FAM83H: variants seen among roughly 807,000 people sequenced by gnomAD.
FAM83H encodes the protein protein FAM83H.
FAM83H carries 24 observed loss-of-function variants against 30.2 expected under a neutral mutation model. That is an observed-to-expected ratio of 0.79 (90% CI 0.57 to 1.12). The LOEUF is 1.12. Among genes scored for constraint, FAM83H ranks in the 50% most tolerant of loss-of-function variants. The pLI is 0.00. For missense variants in FAM83H, 2,038 were observed against 1,773.9 expected (o/e 1.15, Z -2.67); for synonymous variants, 1,013 against 821.7 (o/e 1.23, Z -3.98).
Position 143,729,174 on chromosome 8 carries a change from G to A in FAM83H, c.597C>T (p.Asn199=), listed in dbSNP as rs1818420890. ...GGGAACTCACATCCACGTGCTGCAG[G>A]TTGACACGGCACTTGTCGGCCATGT... ...FLDMADKCRV[N]LQHVDFLRVR... is the part of the protein sequence containing the mutation. The change falls in exon 3 of 5, where the codon AAC becomes AAT. Residue 199 remains asparagine, a synonymous_variant. Coordinates refer to ENST00000388913, the MANE Select transcript of FAM83H (RefSeq NM_198488.5). 3 of 1,613,614 alleles carry A rather than the reference G, an allele frequency of 1.9e-6. No homozygotes were observed. The highest frequency in any genetic ancestry group is 2.5e-6 in the Non-Finnish European group (3 of 1,180,032).
In FAM83H at chr8:143,727,583, G is replaced by T. The variant is rs782362735; in HGVS notation, c.1878C>A (p.Leu626=). ...PGGRAPAGDL[L]PSAFRVPAAF... ...CTGCTGGGACGCGGAAGGCCGAGGGGAGCAGGTCGCCGGCAGGTGCCCGGC... is the reference window on the plus strand; with the variant it reads ...CTGCTGGGACGCGGAAGGCCGAGGGTAGCAGGTCGCCGGCAGGTGCCCGGC... The change falls in exon 5 of 5, where the codon CTC becomes CTA. Residue 626 remains leucine, a synonymous_variant. Coordinates refer to ENST00000388913, the MANE Select transcript of FAM83H (RefSeq NM_198488.5). 5 of 1,586,140 alleles carry T rather than the reference G, an allele frequency of 3.2e-6. No individual in the cohort carries two copies. The highest frequency in any genetic ancestry group is 2.3e-5 in the East Asian group (1 of 44,078).
Position 143,726,423 on chromosome 8 carries a change from G to A in FAM83H, c.3038C>T (p.Ala1013Val). ...SLGQGDSTEA[A>V]TEERGPRARL... is the part of the protein sequence containing the mutation. ...CGCCCGCGGACCCCGCTCTTCTGTG[G>A]CAGCCTCCGTGCTGTCACCCTGGCC... Residue 1013 changes from alanine (A) to valine (V), a missense_variant, in exon 5 of 5, where the codon GCC (alanine) becomes GTC (valine). Ala to Val is a moderately conservative substitution (Grantham distance 64, BLOSUM62 0). Coordinates refer to ENST00000388913, the MANE Select transcript of FAM83H (RefSeq NM_198488.5). 6.2e-7 allele frequency: 1 copy of A among 1,603,452 alleles called. No individual in the cohort carries two copies.
rs1554621585 is a variant in FAM83H at position 143,726,141 on chromosome 8, C to T, written c.3320G>A (p.Arg1107His). The T allele has an allele frequency of 4.3e-6, 7 of 1,611,290 alleles. No individual in the cohort carries two copies. In the Middle Eastern group the frequency reaches 5.0e-4, roughly 114 times the overall value. ...CTCCTCCGCGCTGGCTGGCAGCGTG[C>T]GGCTCAGCCGGCCCTGGGTCCCCAA... ...DSLGTQGRLS[R>H]TLPASAEERD... Residue 1107 changes from arginine (R) to histidine (H), a missense_variant, in exon 5 of 5, where the codon CGC becomes CAC. Coordinates refer to ENST00000388913, the MANE Select transcript of FAM83H (RefSeq NM_198488.5).
rs1196355633 is a variant in FAM83H at position 143,727,403 on chromosome 8, G to A, written c.2058C>T (p.Leu686=). 3.2e-6 allele frequency: 5 copies of A among 1,571,866 alleles called. No homozygotes were observed. The highest frequency in any genetic ancestry group is 2.7e-5 in the African/African-American group (2 of 74,584). ...VQRSSRLRSS[L]IFSTSQAEGA... ...CCTCGGCCTGTGACGTGCTGAAGAT[G>A]AGCGAGGAGCGCAGCCTGGAGCTGC... Residue 686 remains leucine (L), a synonymous_variant, in exon 5 of 5, where the codon CTC becomes CTT. Coordinates refer to ENST00000388913, the MANE Select transcript of FAM83H (RefSeq NM_198488.5).
chr8:143,730,653 C>G, intron 1 of FAM83H, 56 bp from the exon 2 acceptor site: 1 of 1,233,952 alleles, frequency 8.1e-7, no homozygotes, highest in Non-Finnish European at 1.1e-6. Context: ...CCACTCCTAC[C>G]CTCGAGCATG....
Position 143,727,968 on chromosome 8 carries a change from G to T in FAM83H, c.1493C>A (p.Pro498Gln). ...DFTLGAGPRF[P>Q]ELGPDGHQRL... ...CTGGTGCCCGTCGGGTCCGAGCTCCGGGAAGCGGGGCCCGGCGCCCAGGGT... is the reference window on the plus strand; with the variant it reads ...CTGGTGCCCGTCGGGTCCGAGCTCCTGGAAGCGGGGCCCGGCGCCCAGGGT... The change falls in exon 5 of 5, where the codon CCG becomes CAG. Residue 498 changes from proline (P) to glutamine (Q), a missense_variant. By Grantham distance (76) the Pro-to-Gln change is moderately conservative (BLOSUM62 -1). Coordinates refer to ENST00000388913, the MANE Select transcript of FAM83H (RefSeq NM_198488.5). The T allele has an allele frequency of 6.4e-7, 1 of 1,568,598 alleles. No individual in the cohort carries two copies. The highest frequency in any genetic ancestry group is 2.3e-5 in the East Asian group (1 of 43,662).
At position 143,728,569 on chromosome 8, in the gene FAM83H, C is replaced by T. The variant is rs1554623509; in HGVS notation, c.892G>A (p.Ala298Thr). The change falls in exon 5 of 5, where the codon GCC becomes ACC. Residue 298 changes from alanine (A) to threonine (T), a missense_variant. Coordinates refer to ENST00000388913, the MANE Select transcript of FAM83H (RefSeq NM_198488.5). ...CCGGCCCCGGCATACGGAGCCAGGG[C>T]ATAGGCGTCCATGCGGGCCAGGGCC... ...AAALARMDAY[A>T]LAPYAGAGPL... The T allele has an allele frequency of 4.4e-6, 7 of 1,593,556 alleles. No individual in the cohort carries two copies. The highest frequency in any genetic ancestry group is 1.1e-5 in the South Asian group (1 of 88,812).
Position 143,730,495 on chromosome 8 carries a change from G to A in FAM83H, c.88C>T (p.Leu30=), listed in dbSNP as rs201858198. The change falls in exon 2 of 5, where the codon CTG becomes TTG. Residue 30 remains leucine, a synonymous_variant. Transcript: ENST00000388913. ...CCCTCGGCCAGTGCATCCACCGCCAGGCGGTAGTACTCTTTGTAGTGAGGC... is the reference window on the plus strand; with the variant it reads ...CCCTCGGCCAGTGCATCCACCGCCAAGCGGTAGTACTCTTTGTAGTGAGGC... The part of the protein sequence containing the change: ...LPPHYKEYYR[L]AVDALAEGGS... The A allele has an allele frequency of 2.1e-4, 342 of 1,606,456 alleles. No individual in the cohort carries two copies. Among genetic ancestry groups the A allele is most frequent in the Middle Eastern group, 6.6e-4 (4 of 6,016 alleles).
In FAM83H at chr8:143,724,230, C is replaced by T. The variant is rs1490587129; in HGVS notation, c.*1691G>A. ...CGACTTGCACGGTGGTTTTGGTAAC[C>T]AGTGGGCTGTGCAGGAGTGAAAGTG... On this transcript the variant is annotated 3_prime_UTR_variant, in exon 5 of 5. Transcript: ENST00000388913. 1 of 152,224 alleles carries T rather than the reference C, an allele frequency of 6.6e-6. No individual in the cohort carries two copies. The highest frequency in any genetic ancestry group is 1.5e-5 in the Non-Finnish European group (1 of 68,052). The allele number at this position is 152,224 out of a possible 1,614,324, so 9.4% of individuals were successfully genotyped here.
chr8:143,727,797 C>G lies in FAM83H; in HGVS notation c.1664G>C (p.Arg555Thr). 7.4e-7 allele frequency: 1 copy of G among 1,348,904 alleles called. No individual in the cohort carries two copies. The highest frequency in any genetic ancestry group is 9.4e-7 in the Non-Finnish European group (1 of 1,060,116). The allele number at this position is 1,348,904 out of a possible 1,614,324, so 83.6% of individuals were successfully genotyped here. Reference sequence around the variant, plus strand: ...CTCGGGAGCGGGGTCTGGGCCCGGCCTCGCCGCGGCCTGGCATGGGAAGCG... The same window carrying G: ...CTCGGGAGCGGGGTCTGGGCCCGGCGTCGCCGCGGCCTGGCATGGGAAGCG... ...TQRFPCQAAA[R>T]PGPDPAPEAE... The change falls in exon 5 of 5, where the codon AGG becomes ACG. Residue 555 changes from arginine to threonine, a missense_variant. Transcript: ENST00000388913.
chr8:143,731,837 G>A (rs531038518), intron 1 of FAM83H: 21 of 985,320 alleles, frequency 2.1e-5, no homozygotes, highest in Non-Finnish European at 2.3e-5. Flanking sequence ...GGGTCCCTGC[G>A]GGGGCCTGGC....
At position 143,727,716 on chromosome 8, in the gene FAM83H, C is replaced by A. The variant is rs781977948; in HGVS notation, c.1745G>T (p.Arg582Leu). ...PEGRAGLRRW[R>L]LASYLSGCHG... Reference sequence around the variant, plus strand: ...GCAGCCGCTCAAGTAGGAGGCCAAACGCCAGCGCCGCAGCCCTGCCCGCCC... The same window carrying A: ...GCAGCCGCTCAAGTAGGAGGCCAAAAGCCAGCGCCGCAGCCCTGCCCGCCC... Residue 582 changes from arginine (R) to leucine (L), a missense_variant, in exon 5 of 5, where the codon CGT (arginine) becomes CTT (leucine). By Grantham distance (102) the Arg-to-Leu change is moderately radical. Transcript: ENST00000388913. 5.6e-5 allele frequency: 87 copies of A among 1,545,770 alleles called. No homozygotes were observed. The highest frequency in any genetic ancestry group is 7.3e-5 in the Non-Finnish European group (84 of 1,154,358).
chr8:143,733,317 G>A lies in FAM83H; in HGVS notation c.-16+374C>T, dbSNP rs907983766. Among the ~76,000 whole-genome samples, 2 of 152,160 alleles carry A rather than the reference G, an allele frequency of 1.3e-5. No individual in the cohort carries two copies. Among genetic ancestry groups the A allele is most frequent in the East Asian group, 1.9e-4 (1 of 5,172 alleles). On this transcript the variant is annotated intron_variant, in intron 1 of 4. Coordinates refer to ENST00000388913, the MANE Select transcript of FAM83H (RefSeq NM_198488.5). This position sits in a 1 kb window ranked among gnomAD's most constrained non-coding sequence, Gnocchi z 5.6. ...TGGCCACCCCAGTCCACGGCGGCCC[G>A]GGCGGATGTCCCCAGGGAAGGGTCC...
At position 143,726,602 on chromosome 8, in the gene FAM83H, C is replaced by T. The variant is rs1554621935; in HGVS notation, c.2859G>A (p.Glu953=). The T allele has an allele frequency of 6.2e-7, 1 of 1,601,426 alleles. No individual in the cohort carries two copies. The highest frequency in any genetic ancestry group is 1.7e-5 in the Admixed American group (1 of 59,880). The part of the protein sequence containing the change: ...GESPKAGPAE[E]GPSGPMEVLR... ...GGACTTCCATGGGGCCGCTCGGCCCCTCCTCCGCGGGCCCGGCCTTCGGGG... is the reference window on the plus strand; with the variant it reads ...GGACTTCCATGGGGCCGCTCGGCCCTTCCTCCGCGGGCCCGGCCTTCGGGG... Residue 953 remains glutamate, a synonymous_variant, in exon 5 of 5, where the codon GAG becomes GAA. Transcript: ENST00000388913.
rs1554621773 is a variant in FAM83H at position 143,726,427 on chromosome 8, C to T, written c.3034G>A (p.Ala1012Thr). 6.2e-7 allele frequency: 1 copy of T among 1,603,060 alleles called. No homozygotes were observed. Among genetic ancestry groups the T allele is most frequent in the Non-Finnish European group, 8.5e-7 (1 of 1,177,318 alleles). ...LSLGQGDSTE[A>T]ATEERGPRAR... is the part of the protein sequence containing the mutation. ...CGCGGACCCCGCTCTTCTGTGGCAGCCTCCGTGCTGTCACCCTGGCCCAGT... is the reference window on the plus strand; with the variant it reads ...CGCGGACCCCGCTCTTCTGTGGCAGTCTCCGTGCTGTCACCCTGGCCCAGT... Residue 1012 changes from alanine to threonine, a missense_variant, in exon 5 of 5, where the codon GCT becomes ACT. By Grantham distance (58) the Ala-to-Thr change is moderately conservative. Coordinates refer to ENST00000388913, the MANE Select transcript of FAM83H (RefSeq NM_198488.5).
Position 143,726,122 on chromosome 8 carries a change from C to T in FAM83H, c.3339G>A (p.Ala1113=), listed in dbSNP as rs1274592497. 5 of 1,611,436 alleles carry T rather than the reference C, an allele frequency of 3.1e-6. No homozygotes were observed. Among genetic ancestry groups the T allele is most frequent in the East Asian group, 2.2e-5 (1 of 44,812 alleles). ...GGCGCAGCAGCCGATCGCGCTCCTCCGCGCTGGCTGGCAGCGTGCGGCTCA... is the reference window on the plus strand; with the variant it reads ...GGCGCAGCAGCCGATCGCGCTCCTCTGCGCTGGCTGGCAGCGTGCGGCTCA... The part of the protein sequence containing the change: ...GRLSRTLPAS[A]EERDRLLRRM... Residue 1113 remains alanine, a synonymous_variant, in exon 5 of 5, where the codon GCG becomes GCA. Coordinates refer to ENST00000388913, the MANE Select transcript of FAM83H (RefSeq NM_198488.5).
chr8:143,732,601 C>A, intron 1 of FAM83H: 1 of 985,388 alleles, frequency 1.0e-6, no homozygotes, highest in Non-Finnish European at 1.2e-6. Context: ...CAGTGGAAGC[C>A]CCCGTGGCCA....
In FAM83H at chr8:143,728,175, A is replaced by G. The variant is rs201186432; in HGVS notation, c.1286T>C (p.Val429Ala). 4.4e-6 allele frequency: 7 copies of G among 1,604,806 alleles called. No homozygotes were observed. The highest frequency in any genetic ancestry group is 2.2e-5 in the East Asian group (1 of 44,674). ...AVENFAAARQVSRQTFLSHGD... is the reference protein window; with the variant it reads ...AVENFAAARQASRQTFLSHGD... Reference sequence around the variant, plus strand: ...GTGGCTGAGGAACGTCTGCCGCGACACCTGCCGCGCGGCCGCGAAGTTCTC... The same window carrying G: ...GTGGCTGAGGAACGTCTGCCGCGACGCCTGCCGCGCGGCCGCGAAGTTCTC... The change falls in exon 5 of 5, where the codon GTG (valine) becomes GCG (alanine). Residue 429 changes from valine (V) to alanine (A), a missense_variant. Physicochemically the swap from Val to Ala is moderately conservative, Grantham distance 64. Transcript: ENST00000388913.
intron 1 of FAM83H, chr8:143,732,361 G>A (rs1434074415): frequency 5.1e-6 from 5 of 985,242 alleles, no homozygotes; most frequent in Non-Finnish European, 6.0e-6. Flanking sequence ...CCAACCACAT[G>A]GGGGTGAGGT....
Sources: gnomAD v4.1 joint callset for allele counts (sites outside exome capture counted in the v4.1 genomes callset) on GRCh38, gnomAD v4.1.1 for gene constraint, Gnocchi (gnomAD v3.1) non-coding constraint, MANE v1.5 for transcripts, NCBI Gene and HGNC (gene_info 2026-07-23, HGNC 2026-07-21) for gene names.